Variants in TTC39B observed in about 807,000 individuals in gnomAD.
TTC39B encodes tetratricopeptide repeat protein 39B.
TTC39B carries 92 observed loss-of-function variants against 96.6 expected under a neutral mutation model. The observed-to-expected ratio is 0.95, with a 90% confidence interval of 0.80 to 1.13. The LOEUF (loss-of-function observed/expected upper bound fraction) is 1.13, where lower values mean the gene tolerates loss of function less well. TTC39B is among the 50% of genes most tolerant of loss of function. The probability of loss-of-function intolerance (pLI) is 0.00; values close to 1 mark genes in which losing one functional copy is unlikely to be tolerated. For synonymous variants in TTC39B, 367 were observed against 299.4 expected, an observed-to-expected ratio of 1.23 and a Z score of -2.33; for missense variants, 955 against 809.3, an observed-to-expected ratio of 1.18 and a Z score of -2.18.
chr9:15,238,897 G>C (rs1821909623), intron 2 of TTC39B, among the ~76,000 whole-genome samples: 2 of 152,146 alleles, frequency 1.3e-5, no homozygotes, highest in South Asian at 4.1e-4. Context: ...TAAGTGGAAG[G>C]ATCACTTGAG....
intron 8 of TTC39B, among the ~76,000 whole-genome samples, chr9:15,195,307 G>T (rs997113906): frequency 4.6e-5 from 7 of 152,120 alleles, no homozygotes. Flanking sequence ...AGGTGAGGAA[G>T]CTGAAGAAAA....
At chr9:15,196,475 G>T (rs1819177086) in intron 8 of TTC39B, among the ~76,000 whole-genome samples, 1 of 152,146 alleles carries the variant, frequency 6.6e-6, no homozygotes, top group South Asian at 2.1e-4. Flanking sequence ...AACCCTCATG[G>T]ATCATTCTGA....
chr9:15,182,253 G>T, intron 17 of TTC39B, 54 bp downstream of exon 17: 1 of 1,119,860 alleles, frequency 8.9e-7, no homozygotes, highest in South Asian at 1.5e-5. Flanking sequence ...AAAGACAGGA[G>T]AGCAGTCATG....
At chr9:15,231,653 A>G (rs1261233075) in intron 2 of TTC39B, among the ~76,000 whole-genome samples, 1 of 152,226 alleles carries the variant, frequency 6.6e-6, no homozygotes, top group Admixed American at 6.5e-5. Context: ...TTTTTCTCTC[A>G]ATCAAATCAT....
intron 17 of TTC39B, among the ~76,000 whole-genome samples, chr9:15,181,956 G>A (rs2118619087): frequency 6.6e-6 from 1 of 152,212 alleles, no homozygotes; most frequent in East Asian, 1.9e-4. Flanking sequence ...TCCCCAGAAA[G>A]CTATCATAAC....
chr9:15,184,320 C>G (rs1473836115), intron 16 of TTC39B, among the ~76,000 whole-genome samples: 1 of 150,384 alleles, frequency 6.6e-6, no homozygotes, highest in Non-Finnish European at 1.5e-5. Flanking sequence ...GAATTATATG[C>G]ACATGTACAA....
intron 8 of TTC39B, among the ~76,000 whole-genome samples, chr9:15,193,540 A>G (rs780048067): frequency 6.6e-5 from 10 of 152,222 alleles, no homozygotes; most frequent in Non-Finnish European, 1.2e-4. Flanking sequence ...CCTAACTTCC[A>G]GTTTACAAAA....
intron 1 of TTC39B, among the ~76,000 whole-genome samples, chr9:15,297,228 G>A (rs1824414632): frequency 6.6e-6 from 1 of 152,166 alleles, no homozygotes; most frequent in Non-Finnish European, 1.5e-5. Flanking sequence ...CTCCTCCCTT[G>A]CTGCCTGCTG....
At chr9:15,300,763 G>C (rs1403374399) in intron 1 of TTC39B, among the ~76,000 whole-genome samples, 1 of 151,974 alleles carries the variant, frequency 6.6e-6, no homozygotes, top group Non-Finnish European at 1.5e-5. Context: ...GCAGGCACCT[G>C]TAATCCCAGC....
chr9:15,201,464 G>C (rs950893944), intron 7 of TTC39B, among the ~76,000 whole-genome samples: 4 of 152,200 alleles, frequency 2.6e-5, no homozygotes, highest in African/African-American at 9.7e-5. Flanking sequence ...GGCATGGAAA[G>C]GGCCAGACAT....
Position 15,285,566 on chromosome 9 carries a change from A to G in TTC39B, c.241-17618T>C, listed in dbSNP as rs1035177087. 5.3e-5 allele frequency among the ~76,000 whole-genome samples: 8 copies of G among 152,190 alleles called. 1 individual carries two copies. Among genetic ancestry groups the G allele is most frequent in the African/African-American group, 1.9e-4 (8 of 41,450 alleles). On this transcript the variant is annotated intron_variant, in intron 1 of 19. Coordinates refer to ENST00000512701, the Ensembl canonical transcript of TTC39B. ...AAGAATTGTTTTAATTTTTAAAAGA[A>G]TATACAGGCCGGGAGCGGTGGCTCA...
At chr9:15,238,218 C>T (rs1821876985) in intron 2 of TTC39B, among the ~76,000 whole-genome samples, 1 of 152,140 alleles carries the variant, frequency 6.6e-6, no homozygotes, top group African/African-American at 2.4e-5. Flanking sequence ...AGGACACCCA[C>T]TTTCACCACT....
In TTC39B at chr9:15,234,013, G is replaced by A. The variant is rs1392259283; in HGVS notation, c.276-8001C>T. Among the ~76,000 whole-genome samples, 12 of 120,400 alleles carry A rather than the reference G, an allele frequency of 1.0e-4. 1 individual carries two copies. The highest frequency in any genetic ancestry group is 6.4e-4 in the Admixed American group (8 of 12,594). 79.0% of individuals were successfully genotyped at this position (120,400 alleles called of 152,430 possible). ...GGGAGCGCCTCTGCCCCGCTGCCCC[G>A]TCTGGGATGTGAGGAGCGCCTCTGA... On this transcript the variant is annotated intron_variant, in intron 2 of 19. Transcript: ENST00000512701.
rs570185746 is a variant in TTC39B, at chr9:15,189,246, C to A, written c.1233+328G>T. Among the ~76,000 whole-genome samples, 38 of 152,212 alleles carry A rather than the reference C, an allele frequency of 2.5e-4. 1 individual carries two copies. The South Asian group carries it at 7.3e-3, about 29-fold the overall frequency. The stretch of plus-strand genomic sequence containing the variant: ...CTGCATGTCACACAGGGGCTAGATT[C>A]CAAAGTCAGTGTGTAATGCAGAAAT... On this transcript the variant is annotated intron_variant, in intron 13 of 19. Coordinates refer to ENST00000512701, the Ensembl canonical transcript of TTC39B.
chr9:15,227,804 T>A (rs557315145), intron 2 of TTC39B, among the ~76,000 whole-genome samples: 51 of 152,336 alleles, frequency 3.3e-4, no homozygotes, highest in Non-Finnish European at 7.1e-4. Context: ...CCTTTTCACA[T>A]TTGCCTTTAG....
intron 17 of TTC39B, among the ~76,000 whole-genome samples, chr9:15,181,914 C>T (rs911154306): frequency 1.3e-5 from 2 of 152,180 alleles, no homozygotes; most frequent in Non-Finnish European, 2.9e-5. Flanking sequence ...GCCATCACCA[C>T]AGTCAACTGT....
chr9:15,255,765 C>T (rs1822728822), intron 2 of TTC39B, among the ~76,000 whole-genome samples: 1 of 152,098 alleles, frequency 6.6e-6, no homozygotes, highest in African/African-American at 2.4e-5. Context: ...GTTTACTATG[C>T]CCAAACATTT....
intron 3 of TTC39B, among the ~76,000 whole-genome samples, chr9:15,218,632 T>TAAAAAAAAAAAAAATA (rs545882970): frequency 2.9e-5 from 3 of 105,108 alleles, no homozygotes; most frequent in African/African-American, 1.1e-4. Flanking sequence ...TTAGTCTATT[T>TAAAAAAAAAAAAAATA]TAAATATATA....
chr9:15,276,358 C>A (rs1823543875), intron 1 of TTC39B, among the ~76,000 whole-genome samples: 1 of 152,152 alleles, frequency 6.6e-6, no homozygotes, highest in South Asian at 2.1e-4. Context: ...CCCCCTTCCA[C>A]TCTGGAGTTA....
Sources: allele counts gnomAD v4.1 joint callset (sites outside exome capture counted in the v4.1 genomes callset), GRCh38; gene constraint gnomAD v4.1.1; transcripts MANE v1.5; gene names NCBI Gene and HGNC (gene_info 2026-07-23, HGNC 2026-07-21).